Variants in TLN2 observed in about 807,000 individuals in gnomAD.
TLN2 encodes the protein talin-2.
TLN2 carries 118 observed loss-of-function variants against 294.7 expected under a neutral mutation model. The observed-to-expected ratio is 0.40, with a 90% CI of 0.34 to 0.47. TLN2 has a LOEUF of 0.47. TLN2 is among the 20% of genes least tolerant of loss of function. The pLI, the probability that TLN2 is intolerant of heterozygous loss-of-function variation, is 0.84. For missense variants in TLN2, 3,083 were observed against 3,282.2 expected (o/e 0.94, Z 1.48); for synonymous variants, 1,431 against 1,304.5 (o/e 1.10, Z -2.09).
chr15:62,485,160 C>T (rs536091446), intron 1 of TLN2, among the ~76,000 whole-genome samples: 20 of 152,314 alleles, frequency 1.3e-4, no homozygotes, highest in Admixed American at 8.5e-4. Context: ...TCAGGACCTT[C>T]GTGCCTACCT....
intron 51 of TLN2, 30 bp from the exon 52 acceptor site, chr15:62,809,895 T>C (rs2066561934): frequency 1.2e-6 from 2 of 1,607,346 alleles, no homozygotes; most frequent in African/African-American, 2.7e-5. Context: ...TTTCCCATGT[T>C]AAGATTTCAG....
chr15:62,471,207 T>C (rs1361962915), intron 1 of TLN2, among the ~76,000 whole-genome samples: 1 of 152,150 alleles, frequency 6.6e-6, no homozygotes, highest in African/African-American at 2.4e-5. Flanking sequence ...CATGATGGCG[T>C]GTGCCTGTAG....
intron 3 of TLN2, among the ~76,000 whole-genome samples, chr15:62,627,273 G>T (rs1211140689): frequency 6.6e-6 from 1 of 152,132 alleles, no homozygotes; most frequent in Non-Finnish European, 1.5e-5. Flanking sequence ...TTTCTATATT[G>T]TTGTGCCTTT....
At chr15:62,732,316 G>A (rs778673523) in intron 28 of TLN2, among the ~76,000 whole-genome samples, 31 of 152,172 alleles carry the variant, frequency 2.0e-4, no homozygotes, top group African/African-American at 7.0e-4. Context: ...AAACAGCCTA[G>A]AAGTAGCCCC....
At chr15:62,690,307 A>G in intron 12 of TLN2, 1 of 152,130 alleles carries the variant, frequency 6.6e-6, no homozygotes, top group South Asian at 1.7e-4. Context: ...GCGGCCGGGC[A>G]GAGACGCTCT....
chr15:62,719,859 C>A lies in TLN2; in HGVS notation c.2970C>A (p.Ile990=). The change falls in exon 25 of 59, where the codon ATC becomes ATA. Residue 990 remains isoleucine, a synonymous_variant. Transcript: ENST00000636159. ...EDLSAQLALI[I]SSQNFLQPGS... ...TGAGTGCCCAGCTGGCTCTCATCATCTCCAGCCAGAACTTCCTCCAGGTAA... is the reference window on the plus strand; with the variant it reads ...TGAGTGCCCAGCTGGCTCTCATCATATCCAGCCAGAACTTCCTCCAGGTAA... The A allele has an allele frequency of 6.2e-7, 1 of 1,611,008 alleles. No individual in the cohort carries two copies. The highest frequency in any genetic ancestry group is 8.5e-7 in the Non-Finnish European group (1 of 1,178,582).
intron 1 of TLN2, among the ~76,000 whole-genome samples, chr15:62,574,579 CAAAAAAAAAAAAAAAAAAA>C (rs56279063): frequency 0.014 from 664 of 46,444 alleles, 9 homozygotes; most frequent in African/African-American, 0.051. Flanking sequence ...GACCCTGTCT[CAAAAAAAAAAAAAAAAAAA>C]AAAAAAAAAA....
At chr15:62,395,728 A>G (rs1263799126) in intron 1 of TLN2, among the ~76,000 whole-genome samples, 1 of 152,248 alleles carries the variant, frequency 6.6e-6, no homozygotes, top group Admixed American at 6.5e-5. Flanking sequence ...CATCCATAGT[A>G]TGGATTATTT....
intron 24 of TLN2, 123 bp from the exon 25 acceptor site, chr15:62,719,644 C>A: frequency 1.5e-6 from 1 of 682,052 alleles, no homozygotes. Context: ...TATCCAAGGT[C>A]TGGGGCTGGC....
intron 49 of TLN2, 65 bp from the exon 50 acceptor site, chr15:62,800,588 T>TA: frequency 6.2e-7 from 1 of 1,609,486 alleles, no homozygotes; most frequent in Non-Finnish European, 8.5e-7. Flanking sequence ...GATCCAGAAG[T>TA]AAAAGGAGTA....
chr15:62,582,646 A>G lies in TLN2; in HGVS notation c.-237-7041A>G, dbSNP rs141307211. ...GAAAACAGCTCAGAGGGCAGGGGAC[A>G]TAAGGTGCACTGGCTTAGTGGTGGT... On this transcript the variant is annotated intron_variant, in intron 1 of 58. Coordinates refer to ENST00000636159, the MANE Select transcript of TLN2 (RefSeq NM_015059.3). 4.0e-3 allele frequency among the ~76,000 whole-genome samples: 608 copies of G among 152,232 alleles called. 3 individuals carry two copies. Among genetic ancestry groups the G allele is most frequent in the African/African-American group, 0.014 (578 of 41,524 alleles).
intron 50 of TLN2, among the ~76,000 whole-genome samples, 171 bp from the exon 51 acceptor site, chr15:62,805,429 T>C (rs1489954077): frequency 6.6e-6 from 1 of 152,242 alleles, no homozygotes; most frequent in Non-Finnish European, 1.5e-5. Context: ...ATGAGATTCT[T>C]GAAAACAAGA....
intron 1 of TLN2, among the ~76,000 whole-genome samples, chr15:62,492,517 C>G (rs562283532): frequency 2.8e-5 from 4 of 143,804 alleles, no homozygotes; most frequent in African/African-American, 1.1e-4. Flanking sequence ...GATGGCGCCC[C>G]TGGGCGACAG....
intron 1 of TLN2, among the ~76,000 whole-genome samples, chr15:62,546,228 C>A (rs2041986833): frequency 6.6e-6 from 1 of 152,180 alleles, no homozygotes; most frequent in South Asian, 2.1e-4. Flanking sequence ...GGAGTTGCTG[C>A]AAACCACTTG....
At chr15:62,504,716 C>T (rs1251335364) in intron 1 of TLN2, among the ~76,000 whole-genome samples, 1 of 152,004 alleles carries the variant, frequency 6.6e-6, no homozygotes, top group Non-Finnish European at 1.5e-5. Context: ...TCCAGTAGTT[C>T]CATTAGGCTA....
At chr15:62,647,130 G>C in intron 3 of TLN2, 145 bp from the exon 4 acceptor site, 1 of 772,842 alleles carries the variant, frequency 1.3e-6, no homozygotes, top group South Asian at 2.0e-5. Flanking sequence ...AATTTGTTTT[G>C]TACCTAAAGT....
intron 3 of TLN2, among the ~76,000 whole-genome samples, chr15:62,632,364 C>A (rs2049983990): frequency 6.6e-6 from 1 of 152,164 alleles, no homozygotes; most frequent in African/African-American, 2.4e-5. Context: ...CGACCTGAAC[C>A]CTTAGAGGTG....
At chr15:62,702,968 A>C (rs957591081) in intron 19 of TLN2, 104 bp downstream of exon 19, 1 of 1,062,884 alleles carries the variant, frequency 9.4e-7, no homozygotes, top group Admixed American at 1.9e-5. Context: ...TCTTTGAGAT[A>C]GTCAAGAATG....
rs190720062 is a variant in TLN2 at position 62,836,539 on chromosome 15, G to A, written c.7374+466G>A. Among the ~76,000 whole-genome samples, 388 of 152,308 alleles carry A rather than the reference G, an allele frequency of 2.5e-3. 3 individuals are homozygous for A. The highest frequency in any genetic ancestry group is 8.9e-3 in the African/African-American group (369 of 41,566). ...GCCTCTCTCATACGTTACTAACTCGGTGCCTGCTTCAGAGGAGGCCTTCAG... is the reference window on the plus strand; with the variant it reads ...GCCTCTCTCATACGTTACTAACTCGATGCCTGCTTCAGAGGAGGCCTTCAG... On this transcript the variant is annotated intron_variant, in intron 57 of 58. Coordinates refer to ENST00000636159, the MANE Select transcript of TLN2 (RefSeq NM_015059.3).
Sources: allele counts gnomAD v4.1 joint callset (sites outside exome capture counted in the v4.1 genomes callset), GRCh38; gene constraint gnomAD v4.1.1; transcripts MANE v1.5; gene names NCBI Gene and HGNC (gene_info 2026-07-23, HGNC 2026-07-21).